Variants in CASZ1 observed in about 807,000 individuals in gnomAD.
The protein encoded by CASZ1 is castor zinc finger 1, also known as zinc finger protein castor homolog 1.
In CASZ1, 28 loss-of-function variants were observed where a neutral mutation model predicts 135.2. The ratio of observed to expected loss-of-function variants is 0.21; its 90% CI spans 0.15 to 0.28. The LOEUF (loss-of-function observed/expected upper bound fraction) is 0.28, where lower values mean the gene tolerates loss of function less well. Among genes scored for constraint, CASZ1 ranks in the 10% least tolerant of loss-of-function variants. CASZ1 has a pLI of 1.00. For synonymous variants in CASZ1, 1,068 were observed against 1,073.4 expected, an observed-to-expected ratio of 0.99 and a Z score of 0.10; for missense variants, 2,161 against 2,453.3, an observed-to-expected ratio of 0.88 and a Z score of 2.52.
Position 10,653,766 on chromosome 1 carries a change from G to T in CASZ1, c.2291C>A (p.Ala764Asp). The stretch of plus-strand genomic sequence containing the variant: ...GATCTTGCTGTTGGGAGGTTTGGTG[G>T]CACTGGGCCCAGCCTCGGTGGCGGC... ...ATAATEAGPS[A>D]TKPPNSKISG... Residue 764 changes from alanine to aspartate, a missense_variant, in exon 11 of 21, where the codon GCC becomes GAC. Physicochemically the swap from Ala to Asp is moderately radical, Grantham distance 126. Coordinates refer to ENST00000377022, the MANE Select transcript of CASZ1 (RefSeq NM_001079843.3). 6.2e-7 allele frequency: 1 copy of T among 1,610,866 alleles called. No individual in the cohort carries two copies. Among genetic ancestry groups the T allele is most frequent in the South Asian group, 1.1e-5 (1 of 90,784 alleles).
chr1:10,750,709 G>A (rs1466807986), intron 2 of CASZ1, among the ~76,000 whole-genome samples: 1 of 152,070 alleles, frequency 6.6e-6, no homozygotes, highest in Non-Finnish European at 1.5e-5. Context: ...AGACCAGCCT[G>A]GCCAACATGG....
intron 2 of CASZ1, among the ~76,000 whole-genome samples, chr1:10,753,680 C>G (rs928498202): frequency 5.3e-5 from 8 of 152,138 alleles, no homozygotes; most frequent in African/African-American, 1.9e-4. Flanking sequence ...GGAAAGGAGG[C>G]CCAGGCTAGA....
rs1484890362 is a variant in CASZ1, at chr1:10,757,977, C to G, written c.-77+2724G>C. Among the ~76,000 whole-genome samples the G allele has an allele frequency of 6.6e-6, 1 of 152,232 alleles. No homozygotes were observed. The highest frequency in any genetic ancestry group is 1.5e-5 in the Non-Finnish European group (1 of 68,042). Reference sequence around the variant, plus strand: ...GCCACTCTGCCTTTCTTTCCAGTCACTGGATGCACTGAGGGCATCCTACCT... The same window carrying G: ...GCCACTCTGCCTTTCTTTCCAGTCAGTGGATGCACTGAGGGCATCCTACCT... On this transcript the variant is annotated intron_variant, in intron 2 of 20. Transcript: ENST00000377022. This position sits in a 1 kb window ranked among gnomAD's most constrained non-coding sequence, Gnocchi z 4.6.
chr1:10,758,085 A>G (rs541827410), intron 2 of CASZ1, among the ~76,000 whole-genome samples: 1 of 152,230 alleles, frequency 6.6e-6, no homozygotes, highest in Admixed American at 6.5e-5. Context: ...CCTGTCCTTC[A>G]ATCTCAGCTA....
At chr1:10,658,654 C>G in intron 6 of CASZ1, 78 bp from the exon 7 acceptor site, 1 of 1,323,886 alleles carries the variant, frequency 7.6e-7, no homozygotes, top group Non-Finnish European at 1.1e-6. Context: ...GTGGGCAGCC[C>G]CTGCCCTGAG....
At position 10,699,883 on chromosome 1, in the gene CASZ1, G is replaced by T. The variant is rs767228305; in HGVS notation, c.-24+5609C>A. Among the ~76,000 whole-genome samples, 1 of 152,038 alleles carries T rather than the reference G, an allele frequency of 6.6e-6. No individual in the cohort carries two copies. Among genetic ancestry groups the T allele is most frequent in the South Asian group, 2.1e-4 (1 of 4,826 alleles). ...GTGGCCACAAAAACTTTAAAAAAAA[G>T]TTTTGGGGTGGAAACGTGGAGTGTG... is the stretch of plus-strand genomic sequence containing the variant. On this transcript the variant is annotated intron_variant, in intron 3 of 20. Coordinates refer to ENST00000377022, the MANE Select transcript of CASZ1 (RefSeq NM_001079843.3). The surrounding 1 kb of genome is among the most constrained non-coding windows in gnomAD (Gnocchi z 4.6).
rs190391259 is a variant in CASZ1, at chr1:10,655,182, C to T, written c.1665+467G>A. Among the ~76,000 whole-genome samples, 43 of 152,312 alleles carry T rather than the reference C, an allele frequency of 2.8e-4. No homozygotes were observed. In the East Asian group the frequency reaches 6.0e-3, roughly 21 times the overall value. On this transcript the variant is annotated intron_variant, in intron 9 of 20. Coordinates refer to ENST00000377022, the MANE Select transcript of CASZ1 (RefSeq NM_001079843.3). ...CTCTCCTCGTGGCCCAGGTTGTTCA[C>T]AGAGGCCATAACAACTCCTGACAAA...
chr1:10,714,105 G>A (rs1425041606), intron 2 of CASZ1, among the ~76,000 whole-genome samples: 1 of 152,248 alleles, frequency 6.6e-6, no homozygotes, highest in East Asian at 1.9e-4. Flanking sequence ...TCACGAGTTC[G>A]AGACCAGCCT....
rs999249862 is a variant in CASZ1 at position 10,657,822 on chromosome 1, G to A, written c.1409+686C>T. On this transcript the variant is annotated intron_variant, in intron 7 of 20. Coordinates refer to ENST00000377022, the MANE Select transcript of CASZ1 (RefSeq NM_001079843.3). This position sits in a 1 kb window ranked among gnomAD's most constrained non-coding sequence, Gnocchi z 5.7. ...GGGGTGGGGGCGGGGGGTGTTATTT[G>A]TGTGATTTGGGGGAATCTGTTGAGG... Among the ~76,000 whole-genome samples, 10 of 151,456 alleles carry A rather than the reference G, an allele frequency of 6.6e-5. No individual in the cohort carries two copies. Among genetic ancestry groups the A allele is most frequent in the Non-Finnish European group, 1.3e-4 (9 of 67,858 alleles).
In CASZ1 at chr1:10,707,873, G is replaced by T. The variant is rs284293; in HGVS notation, c.-76-2329C>A. ...AGTTAAGGAAGGATTCTCCAAGGCC[G>T]GGGGAGAGGCACAGTACTGGGAAGA... On this transcript the variant is annotated intron_variant, in intron 2 of 20. Transcript: ENST00000377022. The surrounding 1 kb of genome is among the most constrained non-coding windows in gnomAD (Gnocchi z 5.0). Among the ~76,000 whole-genome samples the T allele has an allele frequency of 1.3e-4, 20 of 152,136 alleles. No homozygotes were observed. Among genetic ancestry groups the T allele is most frequent in the Non-Finnish European group, 2.1e-4 (14 of 68,032 alleles).
chr1:10,660,512 T>C lies in CASZ1; in HGVS notation c.530A>G (p.Tyr177Cys), dbSNP rs1479540278. 1.2e-6 allele frequency: 2 copies of C among 1,613,456 alleles called. No individual in the cohort carries two copies. Among genetic ancestry groups the C allele is most frequent in the Non-Finnish European group, 1.7e-6 (2 of 1,179,920 alleles). ...ASGEASSLRD[Y>C]AASTMTEFLG... is the part of the protein sequence containing the mutation. ...GAACTCGGTCATGGTGGAGGCCGCGTAGTCCCGCAGCGAGGAGGCCTCTCC... is the reference window on the plus strand; with the variant it reads ...GAACTCGGTCATGGTGGAGGCCGCGCAGTCCCGCAGCGAGGAGGCCTCTCC... Residue 177 changes from tyrosine (Y) to cysteine (C), a missense_variant, in exon 6 of 21, where the codon TAC (tyrosine) becomes TGC (cysteine). Physicochemically the swap from Tyr to Cys is radical, Grantham distance 194 (BLOSUM62 -2). This residue lies in a region of CASZ1 where 590 missense variants were observed against 609.8 expected (regional missense o/e 0.97). Coordinates refer to ENST00000377022, the MANE Select transcript of CASZ1 (RefSeq NM_001079843.3).
chr1:10,747,975 C>T lies in CASZ1; in HGVS notation c.-77+12726G>A, dbSNP rs1330995741. Among the ~76,000 whole-genome samples, 2 of 152,190 alleles carry T rather than the reference C, an allele frequency of 1.3e-5. No individual in the cohort carries two copies. The highest frequency in any genetic ancestry group is 4.8e-5 in the African/African-American group (2 of 41,442). On this transcript the variant is annotated intron_variant, in intron 2 of 20. Coordinates refer to ENST00000377022, the MANE Select transcript of CASZ1 (RefSeq NM_001079843.3). The surrounding 1 kb of genome is among the most constrained non-coding windows in gnomAD (Gnocchi z 4.3). ...GGGACTAGAGGCACCCGCCACCACG[C>T]CCGGCTAAGTTTTTTGTATTTTTTA...
chr1:10,787,850 G>A (rs924652680), intron 1 of CASZ1, among the ~76,000 whole-genome samples: 1 of 152,080 alleles, frequency 6.6e-6, no homozygotes, highest in Non-Finnish European at 1.5e-5. Flanking sequence ...GCTTCCCACC[G>A]GCTCAGGCAC....
chr1:10,653,250 G>T, intron 11 of CASZ1, 127 bp downstream of exon 11: 2 of 1,014,170 alleles, frequency 2.0e-6, no homozygotes, highest in Non-Finnish European at 1.5e-6. Flanking sequence ...AAGAGGGGGT[G>T]CTGGCAAGCA....
chr1:10,677,838 C>T (rs1638274588), intron 4 of CASZ1, among the ~76,000 whole-genome samples: 1 of 152,248 alleles, frequency 6.6e-6, no homozygotes, highest in African/African-American at 2.4e-5. Context: ...AGGATTTGAG[C>T]CACACATGGC....
intron 1 of CASZ1, among the ~76,000 whole-genome samples, chr1:10,784,502 G>A (rs1352781751): frequency 2.0e-5 from 3 of 152,128 alleles, no homozygotes; most frequent in Admixed American, 6.5e-5. Flanking sequence ...TGTATGAGAT[G>A]GTACAGACCC....
At chr1:10,640,720 G>A (rs762824434) in intron 20 of CASZ1, among the ~76,000 whole-genome samples, 11 of 152,202 alleles carry the variant, frequency 7.2e-5, no homozygotes, top group Non-Finnish European at 1.0e-4. Context: ...GACTCAGGGA[G>A]CTCAATGCCT....
rs1640264865 is a variant in CASZ1, at chr1:10,756,712, C to A, written c.-77+3989G>T. Among the ~76,000 whole-genome samples, 2 of 152,182 alleles carry A rather than the reference C, an allele frequency of 1.3e-5. No individual in the cohort carries two copies. Among genetic ancestry groups the A allele is most frequent in the African/African-American group, 4.8e-5 (2 of 41,442 alleles). On this transcript the variant is annotated intron_variant, in intron 2 of 20. Coordinates refer to ENST00000377022, the MANE Select transcript of CASZ1 (RefSeq NM_001079843.3). This position sits in a 1 kb window ranked among gnomAD's most constrained non-coding sequence, Gnocchi z 5.9. ...AGCGGGGTACTGGGGCAATTCACAC[C>A]TTTGTGTGTGGCGACACTATTAGGA...
rs555722506 is a variant in CASZ1 at position 10,646,810 on chromosome 1, G to A, written c.3498-484C>T. On this transcript the variant is annotated intron_variant, in intron 16 of 20. Transcript: ENST00000377022. The surrounding 1 kb of genome is among the most constrained non-coding windows in gnomAD (Gnocchi z 6.4). ...ACAGGCCCTTAGCAAGCAGGAGCGC[G>A]TGCCTGGTGTCAGCTCCTGGGGGCT... Among the ~76,000 whole-genome samples the A allele has an allele frequency of 9.2e-5, 14 of 152,296 alleles. No homozygotes were observed. Among genetic ancestry groups the A allele is most frequent in the Non-Finnish European group, 1.6e-4 (11 of 68,016 alleles).
Sources: allele counts gnomAD v4.1 joint callset (sites outside exome capture counted in the v4.1 genomes callset), GRCh38; gene constraint gnomAD v4.1.1; regional missense constraint gnomAD v4.1.1; non-coding constraint Gnocchi (gnomAD v3.1); transcripts MANE v1.5; gene names NCBI Gene and HGNC (gene_info 2026-07-23, HGNC 2026-07-21).